Variants in MPPED1 observed in about 807,000 individuals in gnomAD.
MPPED1 encodes metallophosphoesterase domain containing 1.
A neutral mutation model predicts 36.2 loss-of-function variants in MPPED1; 16 were observed. The ratio of observed to expected loss-of-function variants is 0.44; its 90% CI spans 0.30 to 0.67. The LOEUF (loss-of-function observed/expected upper bound fraction) is 0.67. Among genes scored for constraint, MPPED1 ranks in the 30% least tolerant of loss-of-function variants. The probability of loss-of-function intolerance (pLI) is 0.10; values close to 1 mark genes in which losing one functional copy is unlikely to be tolerated. For synonymous variants in MPPED1, 199 were observed against 191.3 expected (o/e 1.04, Z -0.33); for missense variants, 307 against 453.4 (o/e 0.68, Z 2.93).
At chr22:43,481,757 T>A (rs1387079972) in intron 4 of MPPED1, among the ~76,000 whole-genome samples, 1 of 152,016 alleles carries the variant, frequency 6.6e-6, no homozygotes, top group African/African-American at 2.4e-5. Flanking sequence ...CTTGATACCA[T>A]CCCCTTCACC....
chr22:43,458,346 TG>T (rs1467800385), intron 3 of MPPED1, among the ~76,000 whole-genome samples: 2 of 151,872 alleles, frequency 1.3e-5, no homozygotes, highest in East Asian at 3.9e-4. Context: ...AGTGCAGTGT[TG>T]TGATCTCGGC....
chr22:43,484,932 C>A lies in MPPED1; in HGVS notation c.632+9971C>A, dbSNP rs183605736. On this transcript the variant is annotated intron_variant, in intron 4 of 6. Coordinates refer to ENST00000443721, the MANE Select transcript of MPPED1 (RefSeq NM_001044370.2). ...TGGCTTCTTAGAATTCTGAGCCCAACGTGCAGCATCAGTTACATTCTGATG... is the reference window on the plus strand; with the variant it reads ...TGGCTTCTTAGAATTCTGAGCCCAAAGTGCAGCATCAGTTACATTCTGATG... 1.9e-3 allele frequency among the ~76,000 whole-genome samples: 287 copies of A among 152,326 alleles called. 2 individuals are homozygous for A. The Middle Eastern group carries it at 0.02, about 11-fold the overall frequency.
At chr22:43,497,460 A>G (rs367769695) in intron 4 of MPPED1, among the ~76,000 whole-genome samples, 2 of 152,046 alleles carry the variant, frequency 1.3e-5, no homozygotes, top group African/African-American at 4.8e-5. Flanking sequence ...ACAGCTCCCA[A>G]GGCTAGAAGC....
intron 1 of MPPED1, among the ~76,000 whole-genome samples, chr22:43,420,973 A>G (rs963806055): frequency 6.6e-6 from 1 of 152,050 alleles, no homozygotes; most frequent in Non-Finnish European, 1.5e-5. Context: ...CCATCCATCC[A>G]TCCTCCCCCG....
chr22:43,463,837 TTCTTTC>T (rs1291165195), intron 3 of MPPED1, among the ~76,000 whole-genome samples: 12 of 136,150 alleles, frequency 8.8e-5, no homozygotes, highest in African/African-American at 3.5e-4. Flanking sequence ...CTTTCTTTCT[TTCTTTC>T]TTTCTTTCTT....
At chr22:43,495,302 ATGGTGGTGATGG>A (rs1273367244) in intron 4 of MPPED1, among the ~76,000 whole-genome samples, 8 of 44,718 alleles carry the variant, frequency 1.8e-4, no homozygotes, top group Admixed American at 1.3e-3. Context: ...GATGGAGGTG[ATGGTGGTGATGG>A]TGGTGGTGAT....
intron 4 of MPPED1, among the ~76,000 whole-genome samples, chr22:43,494,348 G>C (rs916139067): frequency 6.6e-6 from 1 of 152,206 alleles, no homozygotes; most frequent in Non-Finnish European, 1.5e-5. Context: ...CCACACTCTT[G>C]TGGCTTCTGA....
intron 6 of MPPED1, among the ~76,000 whole-genome samples, chr22:43,504,067 G>A (rs1243746197): frequency 6.6e-6 from 1 of 152,098 alleles, no homozygotes; most frequent in African/African-American, 2.4e-5. Flanking sequence ...GTGAGAGGAT[G>A]GTAGTGATAG....
chr22:43,483,915 G>A (rs1337804580), intron 4 of MPPED1, among the ~76,000 whole-genome samples: 2 of 152,226 alleles, frequency 1.3e-5, no homozygotes, highest in Non-Finnish European at 2.9e-5. Flanking sequence ...AGCTCCTGCT[G>A]CCCGTGGCCA....
At chr22:43,500,337 GTGGTGGTGGTGA>G (rs1932677032) in intron 5 of MPPED1, among the ~76,000 whole-genome samples, 3 of 146,406 alleles carry the variant, frequency 2.0e-5, no homozygotes, top group East Asian at 4.1e-4. Flanking sequence ...GGTGGTGGAG[GTGGTGGTGGTGA>G]TGGTGATGGA....
At position 43,505,671 on chromosome 22, in the gene MPPED1, C is replaced by T. The variant is rs560536901; in HGVS notation, c.*55C>T. The T allele has an allele frequency of 8.0e-5, 119 of 1,482,968 alleles. No individual in the cohort carries two copies. The highest frequency in any genetic ancestry group is 6.4e-4 in the African/African-American group (46 of 71,970). 91.9% of individuals were successfully genotyped at this position (1,482,968 alleles called of 1,614,324 possible). The stretch of plus-strand genomic sequence containing the variant: ...CCGTGTCAGCTCCACAGGCCTGGCC[C>T]GGCCACTGTTCCTTCCATGCTGAGT... On this transcript the variant is annotated 3_prime_UTR_variant, in exon 7 of 7. Transcript: ENST00000443721.
At chr22:43,424,774 G>A (rs1362783497) in intron 1 of MPPED1, 134 bp from the exon 2 acceptor site, 1 of 1,243,504 alleles carries the variant, frequency 8.0e-7, no homozygotes, top group African/African-American at 1.5e-5. Flanking sequence ...TTTGTAATGA[G>A]TTTTTGAGCT....
intron 1 of MPPED1, among the ~76,000 whole-genome samples, chr22:43,420,686 G>T (rs192719386): frequency 6.6e-6 from 1 of 152,214 alleles, no homozygotes; most frequent in African/African-American, 2.4e-5. Flanking sequence ...GCAGGTGTGA[G>T]CCACCATGCC....
intron 3 of MPPED1, among the ~76,000 whole-genome samples, chr22:43,442,329 C>CT (rs1930177943): frequency 1.3e-5 from 2 of 152,014 alleles, no homozygotes; most frequent in South Asian, 4.2e-4. Flanking sequence ...GCACAAGCTC[C>CT]CTCCTTCTCT....
intron 4 of MPPED1, among the ~76,000 whole-genome samples, chr22:43,485,604 C>T (rs1035243249): frequency 2.6e-5 from 4 of 152,132 alleles, no homozygotes; most frequent in Non-Finnish European, 1.5e-5. Context: ...CTTCATCTTC[C>T]GTTCACCTGT....
intron 3 of MPPED1, among the ~76,000 whole-genome samples, chr22:43,439,299 T>C (rs186131128): frequency 3.9e-5 from 6 of 152,338 alleles, no homozygotes; most frequent in Non-Finnish European, 7.3e-5. Context: ...ATTCATGAAA[T>C]AGAAGTGGCA....
intron 3 of MPPED1, among the ~76,000 whole-genome samples, chr22:43,469,880 C>T (rs1036318694): frequency 7.9e-5 from 12 of 151,894 alleles, no homozygotes; most frequent in South Asian, 2.1e-4. Flanking sequence ...TCTATGTATC[C>T]GTCTGTCTAT....
chr22:43,475,095 C>T, intron 4 of MPPED1, 134 bp downstream of exon 4: 1 of 749,426 alleles, frequency 1.3e-6, no homozygotes, highest in South Asian at 1.7e-5. Context: ...GACCCCTTAC[C>T]CTCTGTGTGA....
intron 1 of MPPED1, among the ~76,000 whole-genome samples, chr22:43,423,649 G>A (rs151207352): frequency 6.4e-4 from 97 of 152,280 alleles, no homozygotes; most frequent in African/African-American, 2.2e-3. Flanking sequence ...TAATTAAAAT[G>A]TTCTCCAGTC....
Sources: gnomAD v4.1 joint callset for allele counts (sites outside exome capture counted in the v4.1 genomes callset) on GRCh38, gnomAD v4.1.1 for gene constraint, MANE v1.5 for transcripts, NCBI Gene and HGNC (gene_info 2026-07-23, HGNC 2026-07-21) for gene names.